MINK1: variants seen among roughly 807,000 people sequenced by gnomAD.
MINK1 encodes the protein misshapen-like kinase 1.
MINK1 carries 46 observed loss-of-function variants against 178.4 expected under a neutral mutation model. The ratio of observed to expected loss-of-function variants is 0.26; its 90% CI spans 0.20 to 0.33. MINK1 has a LOEUF of 0.33. MINK1 is among the 10% of genes least tolerant of loss of function. The pLI, the probability that MINK1 is intolerant of heterozygous loss-of-function variation, is 1.00. For synonymous variants in MINK1, 797 were observed against 709.7 expected, an observed-to-expected ratio of 1.12 and a Z score of -1.96; for missense variants, 1,366 against 1,814.9, an observed-to-expected ratio of 0.75 and a Z score of 4.49.
At chr17:4,860,480 G>A (rs1481899128) in intron 1 of MINK1, among the ~76,000 whole-genome samples, 1 of 148,152 alleles carries the variant, frequency 6.7e-6, no homozygotes, top group Non-Finnish European at 1.5e-5. Flanking sequence ...TTTCTCTTGG[G>A]AAATAATCAA....
At chr17:4,889,377 G>A (rs1489439906) in intron 12 of MINK1, among the ~76,000 whole-genome samples, 1 of 152,146 alleles carries the variant, frequency 6.6e-6, no homozygotes, top group Non-Finnish European at 1.5e-5. Context: ...TTGGTGGGGT[G>A]TGGGGAGTGG....
rs745986364 is a variant in MINK1, at chr17:4,893,571, G to A, written c.2538G>A (p.Glu846=). 17 of 1,569,752 alleles carry A rather than the reference G, an allele frequency of 1.1e-5. No homozygotes were observed. Among genetic ancestry groups the A allele is most frequent in the Non-Finnish European group, 1.5e-5 (17 of 1,153,404 alleles). Residue 846 remains glutamate, a synonymous_variant, in exon 21 of 32, where the codon GAG becomes GAA. Transcript: ENST00000355280. ...AGGAAGGCGAAGGCGGGCCAGCAGA[G>A]GGGAGCAGAGATACCCCTGGGGGCC... ...DEEEGEGGPA[E]GSRDTPGGRS... is the part of the protein sequence containing the mutation.
rs1385806692 is a variant in MINK1, at chr17:4,896,222, G to A, written c.3495G>A (p.Leu1165=). 6 of 1,601,542 alleles carry A rather than the reference G, an allele frequency of 3.7e-6. No individual in the cohort carries two copies. The highest frequency in any genetic ancestry group is 4.5e-5 in the East Asian group (2 of 44,812). Residue 1165 remains leucine (L), a synonymous_variant, in exon 29 of 32, where the codon CTG becomes CTA. Coordinates refer to ENST00000355280, the MANE Select transcript of MINK1 (RefSeq NM_153827.5). This position sits in a 1 kb window ranked among gnomAD's most constrained non-coding sequence, Gnocchi z 4.6. ...TTGCCGACCTCCCCCACCGCCCTCT[G>A]CTGGTCGACCTGACAGTAGAGGAGG... The part of the protein sequence containing the change: ...KSFADLPHRP[L]LVDLTVEEGQ...
Position 4,836,197 on chromosome 17 carries a change from AG to A in MINK1, c.57+2560del, listed in dbSNP as rs1311611904. ...CCATCTTGTGTTGGGGGCTGGGGAG[AG>A]GGATGGGAGAGGAACATATTCAGTA... is the stretch of plus-strand genomic sequence containing the variant. On this transcript the variant is annotated intron_variant, in intron 1 of 31. Transcript: ENST00000355280. This position sits in a 1 kb window ranked among gnomAD's most constrained non-coding sequence, Gnocchi z 4.3. Among the ~76,000 whole-genome samples, 1 of 151,794 alleles carries A rather than the reference AG, an allele frequency of 6.6e-6. No homozygotes were observed. The highest frequency in any genetic ancestry group is 2.4e-5 in the African/African-American group (1 of 41,300).
intron 1 of MINK1, chr17:4,844,455 T>C (rs1038953715): frequency 1.5e-5 from 7 of 455,242 alleles, no homozygotes; most frequent in Non-Finnish European, 4.4e-6. Flanking sequence ...GGAGACAGTC[T>C]GTATGAGAGA....
chr17:4,879,314 GC>G (rs925381483), intron 2 of MINK1, among the ~76,000 whole-genome samples: 2 of 152,240 alleles, frequency 1.3e-5, no homozygotes, highest in African/African-American at 4.8e-5. Context: ...TCTGACTGGA[GC>G]CCCCTGGGGC....
chr17:4,876,098 A>T (rs546795226), intron 1 of MINK1, among the ~76,000 whole-genome samples: 45 of 150,496 alleles, frequency 3.0e-4, no homozygotes, highest in African/African-American at 1.1e-3. Flanking sequence ...CCCGGCCAAG[A>T]TTTTTTTTTT....
chr17:4,876,679 G>A (rs1271433509), intron 1 of MINK1, among the ~76,000 whole-genome samples: 1 of 152,084 alleles, frequency 6.6e-6, no homozygotes, highest in Non-Finnish European at 1.5e-5. Context: ...TCAGCACAGA[G>A]GCCACGTGTT....
chr17:4,887,099 T>C lies in MINK1; in HGVS notation c.950-11T>C. 6.3e-7 allele frequency: 1 copy of C among 1,580,220 alleles called. No individual in the cohort carries two copies. The highest frequency in any genetic ancestry group is 8.6e-7 in the Non-Finnish European group (1 of 1,162,698). ...GCTGGGTGAGATAACTGCAGTGGCCTCCCCCTGCAGAGGAGACAGAATATG... is the reference window on the plus strand; with the variant it reads ...GCTGGGTGAGATAACTGCAGTGGCCCCCCCCTGCAGAGGAGACAGAATATG... On this transcript the variant is annotated splice_polypyrimidine_tract_variant and intron_variant, in intron 10 of 31. Coordinates refer to ENST00000355280, the MANE Select transcript of MINK1 (RefSeq NM_153827.5). The surrounding 1 kb of genome is among the most constrained non-coding windows in gnomAD (Gnocchi z 7.6).
chr17:4,874,200 C>T (rs1966960337), intron 1 of MINK1, among the ~76,000 whole-genome samples: 1 of 152,126 alleles, frequency 6.6e-6, no homozygotes, highest in African/African-American at 2.4e-5. Flanking sequence ...TGGTGAGCTC[C>T]CTTTTGTGTC....
chr17:4,897,184 T>TC lies in MINK1; in HGVS notation c.3916-19dup, dbSNP rs752267843. 6.2e-7 allele frequency: 1 copy of TC among 1,610,520 alleles called. No individual in the cohort carries two copies. Among genetic ancestry groups the TC allele is most frequent in the Non-Finnish European group, 8.5e-7 (1 of 1,177,974 alleles). ...CCCCCAACCTCAGCCCTTGGTGACTTCTTCTCCTGCCCCACCCAGGTGTTT... is the reference window on the plus strand; with the variant it reads ...CCCCCAACCTCAGCCCTTGGTGACTTCCTTCTCCTGCCCCACCCAGGTGTTT... On this transcript the variant is annotated intron_variant, in intron 31 of 31. Coordinates refer to ENST00000355280, the MANE Select transcript of MINK1 (RefSeq NM_153827.5).
At chr17:4,893,962 A>AGG (rs779614198) in intron 21 of MINK1, 26 bp from the exon 22 acceptor site, 4 of 1,530,442 alleles carry the variant, frequency 2.6e-6, no homozygotes, top group Non-Finnish European at 3.5e-6. Context: ...CAGGACCTGG[A>AGG]GGGGCCCCAC....
intron 1 of MINK1, among the ~76,000 whole-genome samples, chr17:4,839,087 G>A (rs1030976656): frequency 4.6e-5 from 7 of 152,026 alleles, no homozygotes; most frequent in Admixed American, 1.3e-4. Context: ...GGGACTATAG[G>A]CGCCCGCCAC....
chr17:4,838,495 T>G (rs1352710544), intron 1 of MINK1, among the ~76,000 whole-genome samples: 1 of 152,200 alleles, frequency 6.6e-6, no homozygotes, highest in Admixed American at 6.6e-5. Flanking sequence ...TCCATTCCTT[T>G]CCGCATTGAA....
At chr17:4,844,357 G>C (rs1382231299) in intron 1 of MINK1, among the ~76,000 whole-genome samples, 2 of 152,260 alleles carry the variant, frequency 1.3e-5, no homozygotes, top group East Asian at 3.9e-4. Flanking sequence ...AACAGGCTTT[G>C]TGGGCTTACT....
rs1484443080 is a variant in MINK1, at chr17:4,836,170, C to T, written c.57+2530C>T. Among the ~76,000 whole-genome samples, 1 of 152,166 alleles carries T rather than the reference C, an allele frequency of 6.6e-6. No homozygotes were observed. Among genetic ancestry groups the T allele is most frequent in the Admixed American group, 6.5e-5 (1 of 15,284 alleles). ...TGAGAAATGGTGTCTCCCTTTACTA[C>T]ACCATCTTGTGTTGGGGGCTGGGGA... is the stretch of plus-strand genomic sequence containing the variant. On this transcript the variant is annotated intron_variant, in intron 1 of 31. Coordinates refer to ENST00000355280, the MANE Select transcript of MINK1 (RefSeq NM_153827.5). This position sits in a 1 kb window ranked among gnomAD's most constrained non-coding sequence, Gnocchi z 4.3.
In MINK1 at chr17:4,833,650, C is replaced by G. The variant is rs1439697530; in HGVS notation, c.57+10C>G. The G allele has an allele frequency of 7.4e-6, 11 of 1,490,232 alleles. No homozygotes were observed. The highest frequency in any genetic ancestry group is 9.8e-6 in the Non-Finnish European group (11 of 1,126,142). 92.3% of individuals were successfully genotyped at this position (1,490,232 alleles called of 1,614,324 possible). On this transcript the variant is annotated intron_variant, in intron 1 of 31. Transcript: ENST00000355280. This position sits in a 1 kb window ranked among gnomAD's most constrained non-coding sequence, Gnocchi z 4.8. ...CCTGTCCGCCCTGCGGGTGAGCGCG[C>G]CGTCCCCCAGCCTCGCCCTGGTTCC...
rs770689701 is a variant in MINK1, at chr17:4,834,781, T to A, written c.57+1141T>A. 25 of 519,934 alleles carry A rather than the reference T, an allele frequency of 4.8e-5. 1 individual carries two copies. Among genetic ancestry groups the A allele is most frequent in the South Asian group, 3.5e-4 (25 of 71,580 alleles). The allele number at this position is 519,934 out of a possible 1,614,324, so 32.2% of individuals were successfully genotyped here. On this transcript the variant is annotated intron_variant, in intron 1 of 31. Coordinates refer to ENST00000355280, the MANE Select transcript of MINK1 (RefSeq NM_153827.5). ...AGAGCAGGACTTCCCATCTCTAGGT[T>A]CGCTTCTCTGGAGGCCCCTGCTCAG...
At chr17:4,859,946 G>A (rs1199851277) in intron 1 of MINK1, among the ~76,000 whole-genome samples, 6 of 152,068 alleles carry the variant, frequency 3.9e-5, no homozygotes, top group Middle Eastern at 3.2e-3. Context: ...ATGCGGAGCC[G>A]GGTACAGAGG....
Sources: allele counts gnomAD v4.1 joint callset (sites outside exome capture counted in the v4.1 genomes callset), GRCh38; gene constraint gnomAD v4.1.1; non-coding constraint Gnocchi (gnomAD v3.1); transcripts MANE v1.5; gene names NCBI Gene and HGNC (gene_info 2026-07-23, HGNC 2026-07-21).